GABRB1: variants seen among roughly 807,000 people sequenced by gnomAD.
GABRB1 encodes gamma-aminobutyric acid receptor subunit beta-1.
GABRB1 carries 17 observed loss-of-function variants against 51.6 expected under a neutral mutation model. That is an observed-to-expected ratio of 0.33 (90% CI 0.23 to 0.49). The LOEUF is 0.49. GABRB1 is among the 20% of genes least tolerant of loss of function. GABRB1 has a pLI of 0.99. For synonymous variants in GABRB1, 247 were observed against 218.9 expected, an observed-to-expected ratio of 1.13 and a Z score of -1.14; for missense variants, 410 against 600.6, an observed-to-expected ratio of 0.68 and a Z score of 3.32.
At chr4:47,293,727 C>G (rs1200965229) in intron 4 of GABRB1, among the ~76,000 whole-genome samples, 1 of 151,960 alleles carries the variant, frequency 6.6e-6, no homozygotes, top group African/African-American at 2.4e-5. Flanking sequence ...TTTTTTATTT[C>G]TTGAATAATA....
At chr4:47,008,850 TAC>T (rs1451378969) in intron 1 of GABRB1, among the ~76,000 whole-genome samples, 2 of 104,442 alleles carry the variant, frequency 1.9e-5, no homozygotes, top group African/African-American at 3.8e-5. Context: ...TATCAGATAC[TAC>T]CTTTTTTTTT....
At chr4:47,114,879 C>G (rs139007210) in intron 3 of GABRB1, among the ~76,000 whole-genome samples, 5 of 152,158 alleles carry the variant, frequency 3.3e-5, no homozygotes, top group Admixed American at 6.5e-5. Context: ...TGTGACTGCA[C>G]GCTAAGCTGG....
intron 4 of GABRB1, among the ~76,000 whole-genome samples, chr4:47,265,539 A>G (rs1322521288): frequency 6.6e-6 from 1 of 152,158 alleles, no homozygotes; most frequent in East Asian, 1.9e-4. Flanking sequence ...TAGAGGTTGT[A>G]CTAGTTTATA....
intron 1 of GABRB1, among the ~76,000 whole-genome samples, chr4:47,015,037 G>T: frequency 6.6e-6 from 1 of 152,194 alleles, no homozygotes; most frequent in African/African-American, 2.4e-5. Flanking sequence ...CTCTCAAGTA[G>T]CTGGTATTAC....
chr4:47,418,581 C>T (rs1023659941), intron 8 of GABRB1, among the ~76,000 whole-genome samples: 3 of 152,232 alleles, frequency 2.0e-5, no homozygotes, highest in African/African-American at 4.8e-5. Flanking sequence ...CTGGAAACCA[C>T]AGCCGACCAA....
In GABRB1 at chr4:47,375,763, G is replaced by A. The variant is rs114759219; in HGVS notation, c.545-27555G>A. Among the ~76,000 whole-genome samples, 1,348 of 152,226 alleles carry A rather than the reference G, an allele frequency of 8.9e-3. 17 individuals are homozygous for A. Among genetic ancestry groups the A allele is most frequent in the African/African-American group, 0.031 (1,296 of 41,494 alleles). On this transcript the variant is annotated intron_variant, in intron 5 of 8. Transcript: ENST00000295454. The stretch of plus-strand genomic sequence containing the variant: ...TCACATAACCTGCCTAATTGCAAAG[G>A]GTCTCCCATTATCCTCTATGTGTCT...
intron 8 of GABRB1, among the ~76,000 whole-genome samples, chr4:47,415,744 G>A (rs963272946): frequency 1.3e-5 from 2 of 152,172 alleles, no homozygotes. Context: ...ATGTTTGGGT[G>A]GAATACAGAC....
At chr4:47,133,949 TA>T (rs1454215042) in intron 3 of GABRB1, among the ~76,000 whole-genome samples, 1 of 152,230 alleles carries the variant, frequency 6.6e-6, no homozygotes, top group Non-Finnish European at 1.5e-5. Context: ...GGAAATCTGG[TA>T]TTTTACATGT....
At chr4:47,416,475 G>A (rs1201442144) in intron 8 of GABRB1, among the ~76,000 whole-genome samples, 1 of 149,076 alleles carries the variant, frequency 6.7e-6, no homozygotes, top group Non-Finnish European at 1.5e-5. Context: ...TTTTGAGACA[G>A]AGTCTCCCTC....
chr4:47,082,487 A>C lies in GABRB1; in HGVS notation c.240+50003A>C, dbSNP rs915693632. ...ATCAGAAGTATTGAAGTATATTTTAAAAGAGAACAACTTTCTCACTATGTC... is the reference window on the plus strand; with the variant it reads ...ATCAGAAGTATTGAAGTATATTTTACAAGAGAACAACTTTCTCACTATGTC... On this transcript the variant is annotated intron_variant, in intron 3 of 8. Coordinates refer to ENST00000295454, the MANE Select transcript of GABRB1 (RefSeq NM_000812.4). Among the ~76,000 whole-genome samples the C allele has an allele frequency of 9.2e-5, 14 of 152,210 alleles. No individual in the cohort carries two copies. In the East Asian group the frequency reaches 2.5e-3, roughly 27 times the overall value.
At chr4:47,332,218 C>T (rs1725510435) in intron 5 of GABRB1, among the ~76,000 whole-genome samples, 1 of 152,190 alleles carries the variant, frequency 6.6e-6, no homozygotes. Flanking sequence ...ATAGATCACA[C>T]AATGGTCAGA....
chr4:47,065,651 T>C (rs1249002398), intron 3 of GABRB1, among the ~76,000 whole-genome samples: 1 of 152,260 alleles, frequency 6.6e-6, no homozygotes, highest in African/African-American at 2.4e-5. Flanking sequence ...GGGTGTAATA[T>C]AAACTTGCCA....
At chr4:47,366,658 C>A (rs552640385) in intron 5 of GABRB1, among the ~76,000 whole-genome samples, 1 of 152,132 alleles carries the variant, frequency 6.6e-6, no homozygotes, top group South Asian at 2.1e-4. Context: ...CATTATCCCC[C>A]CTTTTGAAAC....
chr4:47,116,693 A>G (rs1715495076), intron 3 of GABRB1, among the ~76,000 whole-genome samples: 1 of 152,170 alleles, frequency 6.6e-6, no homozygotes, highest in African/African-American at 2.4e-5. Context: ...TGTAATTACA[A>G]TATCTAGTAC....
intron 5 of GABRB1, among the ~76,000 whole-genome samples, chr4:47,363,903 T>C (rs531427893): frequency 6.6e-6 from 1 of 152,164 alleles, no homozygotes; most frequent in Non-Finnish European, 1.5e-5. Flanking sequence ...GTCAGGAAGA[T>C]ATTAAGGTTA....
upstream of GABRB1, chr4:47,031,336 A>C (rs1725286019): frequency 8.6e-6 from 3 of 350,826 alleles, no homozygotes; most frequent in Middle Eastern, 1.8e-3. Flanking sequence ...TGAGGGCAGA[A>C]ATGAAATCAA....
chr4:47,218,933 A>G (rs1720660610), intron 4 of GABRB1, among the ~76,000 whole-genome samples: 1 of 151,816 alleles, frequency 6.6e-6, no homozygotes, highest in Non-Finnish European at 1.5e-5. Flanking sequence ...ATTTGTTCAT[A>G]GAGAAACCTC....
chr4:47,058,948 G>T (rs1354182831), intron 3 of GABRB1, among the ~76,000 whole-genome samples: 1 of 152,168 alleles, frequency 6.6e-6, no homozygotes, highest in Non-Finnish European at 1.5e-5. Flanking sequence ...TAAAATGGTG[G>T]TTTATACTAA....
At chr4:47,340,789 G>A (rs2065027671) in intron 5 of GABRB1, among the ~76,000 whole-genome samples, 1 of 151,944 alleles carries the variant, frequency 6.6e-6, no homozygotes, top group Admixed American at 6.6e-5. Flanking sequence ...CTCAAACCTG[G>A]GAAAGGAGAT....
Sources: allele counts gnomAD v4.1 joint callset (sites outside exome capture counted in the v4.1 genomes callset), GRCh38; gene constraint gnomAD v4.1.1; transcripts MANE v1.5; gene names NCBI Gene and HGNC (gene_info 2026-07-23, HGNC 2026-07-21).